EPB41L3: variants seen among roughly 807,000 people sequenced by gnomAD.
EPB41L3 encodes band 4.1-like protein 3.
Under a neutral mutation model 127.1 loss-of-function variants are expected in EPB41L3, and 57 were observed. That is an observed-to-expected ratio of 0.45 (90% CI 0.36 to 0.56). The LOEUF is 0.56. EPB41L3 is among the 20% of genes least tolerant of loss of function. The pLI is 0.00. For missense variants in EPB41L3, 1,273 were observed against 1,372.2 expected (o/e 0.93, Z 1.14); for synonymous variants, 572 against 549.5 (o/e 1.04, Z -0.57).
chr18:5,447,526 T>C (rs2081661041), intron 3 of EPB41L3, among the ~76,000 whole-genome samples: 1 of 151,412 alleles, frequency 6.6e-6, no homozygotes, highest in African/African-American at 2.4e-5. Flanking sequence ...CCAAATACTT[T>C]CTCTATGTGT....
intron 1 of EPB41L3, chr18:5,508,069 G>C (rs1001407952): frequency 6.6e-6 from 1 of 152,154 alleles, no homozygotes; most frequent in Non-Finnish European, 1.5e-5. Flanking sequence ...TTCAGACAAA[G>C]GTTATGGGGG....
At chr18:5,544,389 A>T, upstream of EPB41L3, 1 of 893,238 alleles carries the variant, frequency 1.1e-6, no homozygotes, top group South Asian at 5.1e-5. Context: ...TGAGTTATTT[A>T]TTGGCTAGGG....
chr18:5,560,782 G>T (rs557450094), intron 3 of EPB41L3, among the ~76,000 whole-genome samples: 3 of 151,926 alleles, frequency 2.0e-5, no homozygotes, highest in African/African-American at 7.3e-5. Context: ...TATTTTGGGG[G>T]GTGGGGAGAA....
intron 3 of EPB41L3, among the ~76,000 whole-genome samples, chr18:5,472,628 A>G (rs1041448781): frequency 6.6e-6 from 1 of 152,216 alleles, no homozygotes; most frequent in Non-Finnish European, 1.5e-5. Context: ...GTAATTCAAG[A>G]AAAGCAAAAG....
intron 3 of EPB41L3, among the ~76,000 whole-genome samples, chr18:5,455,712 G>A (rs973962362): frequency 6.6e-6 from 1 of 150,724 alleles, no homozygotes; most frequent in Non-Finnish European, 1.5e-5. Flanking sequence ...GTGCACTGTG[G>A]TAGATGATGG....
chr18:5,477,643 G>T (rs2087510720), intron 3 of EPB41L3, among the ~76,000 whole-genome samples: 1 of 152,106 alleles, frequency 6.6e-6, no homozygotes, highest in Non-Finnish European at 1.5e-5. Flanking sequence ...CTGCTAATTT[G>T]GTCTTGACAA....
intron 1 of EPB41L3, among the ~76,000 whole-genome samples, chr18:5,490,848 T>C (rs1381160106): frequency 1.3e-5 from 2 of 152,182 alleles, no homozygotes; most frequent in Non-Finnish European, 2.9e-5. Context: ...AAGGATTAGC[T>C]TTAATAGTCA....
intron 1 of EPB41L3, among the ~76,000 whole-genome samples, chr18:5,490,179 G>A (rs566191052): frequency 3.9e-4 from 59 of 152,198 alleles, no homozygotes; most frequent in African/African-American, 1.4e-3. Context: ...CTGCTATTAC[G>A]CCAAGTAGAT....
chr18:5,630,620 C>A (rs757078824), upstream of EPB41L3: 15 of 461,294 alleles, frequency 3.3e-5, no homozygotes, highest in Admixed American at 3.4e-4. Context: ...GCTGCGGTGG[C>A]GGCACCTCCA....
chr18:5,626,047 T>A lies in EPB41L3; in HGVS notation c.-468+2875A>T, dbSNP rs2094920132. The stretch of plus-strand genomic sequence containing the variant: ...CAGCCCCAATTATATTCAGTGCCCT[T>A]CCCCTGTCTCGTCGCTGCTTTCAAC... On this transcript the variant is annotated intron_variant, in intron 1 of 21. Transcript: ENST00000545076. Among the ~76,000 whole-genome samples, 3 of 152,234 alleles carry A rather than the reference T, an allele frequency of 2.0e-5. No homozygotes were observed. The South Asian group carries it at 6.2e-4, about 32-fold the overall frequency.
chr18:5,533,945 G>T (rs755875888), intron 1 of EPB41L3, among the ~76,000 whole-genome samples: 2 of 152,222 alleles, frequency 1.3e-5, no homozygotes, highest in Non-Finnish European at 2.9e-5. Flanking sequence ...TGGGCAGATC[G>T]CAAAGTCAGG....
chr18:5,473,663 C>T (rs2086587557), intron 3 of EPB41L3, among the ~76,000 whole-genome samples: 1 of 151,990 alleles, frequency 6.6e-6, no homozygotes, highest in South Asian at 2.1e-4. Flanking sequence ...AGGACTGTTA[C>T]CTCCATTGCA....
At chr18:5,532,530 A>C (rs990287464) in intron 1 of EPB41L3, among the ~76,000 whole-genome samples, 1 of 152,228 alleles carries the variant, frequency 6.6e-6, no homozygotes, top group Non-Finnish European at 1.5e-5. Context: ...GTGCCAAATG[A>C]GTATCCTGCC....
rs1291141104 is a variant in EPB41L3 at position 5,415,818 on chromosome 18, C to T, written c.2067G>A (p.Glu689=). The change falls in exon 13 of 23, where the codon GAG becomes GAA. Residue 689 remains glutamate (E), a splice_region_variant and synonymous_variant. Coordinates refer to ENST00000341928, the MANE Select transcript of EPB41L3 (RefSeq NM_012307.5). ...DNDPSDSSEE[E]TDSERTDTAA... The stretch of plus-strand genomic sequence containing the variant: ...GCGTGTTCTATGCCGAGGTACACAC[C>T]TCTTCCTCTGAACTGTCACTCGGGT... 8 of 1,611,300 alleles carry T rather than the reference C, an allele frequency of 5.0e-6. No homozygotes were observed. The highest frequency in any genetic ancestry group is 6.8e-6 in the Non-Finnish European group (8 of 1,179,480).
At chr18:5,463,731 G>T (rs138291898) in intron 3 of EPB41L3, 6 of 152,314 alleles carry the variant, frequency 3.9e-5, no homozygotes, top group South Asian at 4.1e-4. Context: ...TCCTAGCCCA[G>T]TGTCTCCATG....
chr18:5,453,514 C>A (rs2082578444), intron 3 of EPB41L3, among the ~76,000 whole-genome samples: 1 of 152,108 alleles, frequency 6.6e-6, no homozygotes, highest in African/African-American at 2.4e-5. Flanking sequence ...CCTATGCTGG[C>A]TTAGGCTCAA....
chr18:5,412,405 T>C (rs925697811), intron 13 of EPB41L3, among the ~76,000 whole-genome samples: 9 of 152,030 alleles, frequency 5.9e-5, no homozygotes, highest in Admixed American at 5.9e-4. Flanking sequence ...TTTGTACTTT[T>C]AGTAGAGGCA....
At chr18:5,611,693 T>G (rs1366632942) in intron 3 of EPB41L3, among the ~76,000 whole-genome samples, 1 of 152,146 alleles carries the variant, frequency 6.6e-6, no homozygotes, top group East Asian at 1.9e-4. Flanking sequence ...TTTAGGAGGC[T>G]GAGGTGGGAG....
At position 5,398,063 on chromosome 18, in the gene EPB41L3, T is replaced by C; in HGVS notation, c.2430A>G (p.Glu810=). The change falls in exon 17 of 23, where the codon GAA becomes GAG. Residue 810 remains glutamate, a synonymous_variant. Transcript: ENST00000341928. ...SLLESARKPT[E]FIGGVTSTSQ... is the part of the protein sequence containing the mutation. ...AAGTAGAAGTAACCCCTCCTATGAA[T>C]TCTGTTGGTTTTCGCGCAGACTCTA... is the stretch of plus-strand genomic sequence containing the variant. 1 of 1,614,098 alleles carries C rather than the reference T, an allele frequency of 6.2e-7. No homozygotes were observed. The highest frequency in any genetic ancestry group is 8.5e-7 in the Non-Finnish European group (1 of 1,180,004).
Sources: gnomAD v4.1 joint callset for allele counts (sites outside exome capture counted in the v4.1 genomes callset) on GRCh38, gnomAD v4.1.1 for gene constraint, MANE v1.5 for transcripts, NCBI Gene and HGNC (gene_info 2026-07-23, HGNC 2026-07-21) for gene names.